The following SORCS1 variants were observed in gnomAD, a reference collection of about 807,000 sequenced individuals.
The protein encoded by SORCS1 is sortilin related VPS10 domain containing receptor 1.
A neutral mutation model predicts 146.1 loss-of-function variants in SORCS1; 60 were observed. The observed-to-expected ratio is 0.41, with a 90% CI of 0.33 to 0.51. SORCS1 has a LOEUF of 0.51. Among genes scored for constraint, SORCS1 ranks in the 20% least tolerant of loss-of-function variants. The pLI, the probability that SORCS1 is intolerant of heterozygous loss-of-function variation, is 0.21. For synonymous variants in SORCS1, 637 were observed against 584.0 expected (o/e 1.09, Z -1.31); for missense variants, 1,352 against 1,487.6 (o/e 0.91, Z 1.50).
chr10:106,660,638 T>C (rs1850652838), intron 17 of SORCS1, among the ~76,000 whole-genome samples: 1 of 152,136 alleles, frequency 6.6e-6, no homozygotes. Flanking sequence ...AAAATGTCTT[T>C]ATTGTATAAA....
intron 1 of SORCS1, among the ~76,000 whole-genome samples, chr10:107,093,599 G>C (rs957200750): frequency 6.6e-6 from 1 of 151,828 alleles, no homozygotes; most frequent in Non-Finnish European, 1.5e-5. Flanking sequence ...CTTGAACCCG[G>C]GACAAGGAGG....
chr10:106,843,156 G>C (rs1949126901), intron 2 of SORCS1, among the ~76,000 whole-genome samples: 2 of 152,080 alleles, frequency 1.3e-5, no homozygotes, highest in Non-Finnish European at 2.9e-5. Flanking sequence ...AATATGCTTT[G>C]CATTAACTAG....
intron 1 of SORCS1, among the ~76,000 whole-genome samples, chr10:107,162,970 T>C (rs1382713495): frequency 6.6e-6 from 1 of 152,250 alleles, no homozygotes; most frequent in East Asian, 1.9e-4. Flanking sequence ...TAAAATCACT[T>C]TTAGTTATTA....
At chr10:106,722,405 G>A (rs1489201307) in intron 6 of SORCS1, among the ~76,000 whole-genome samples, 1 of 152,280 alleles carries the variant, frequency 6.6e-6, no homozygotes, top group East Asian at 1.9e-4. Context: ...ATAGGAAGTA[G>A]AAAATGAGAT....
At chr10:106,881,283 C>T (rs1177283497) in intron 2 of SORCS1, among the ~76,000 whole-genome samples, 2 of 152,140 alleles carry the variant, frequency 1.3e-5, no homozygotes, top group East Asian at 1.9e-4. Context: ...TAGTGTCTTC[C>T]TCTGCAAAAT....
At chr10:106,637,224 C>T (rs964612041) in intron 18 of SORCS1, among the ~76,000 whole-genome samples, 1 of 152,158 alleles carries the variant, frequency 6.6e-6, no homozygotes, top group Non-Finnish European at 1.5e-5. Flanking sequence ...CTGCACATGC[C>T]CTATCTTCTG....
chr10:106,669,647 C>G (rs1324415312), intron 16 of SORCS1, among the ~76,000 whole-genome samples: 1 of 152,210 alleles, frequency 6.6e-6, no homozygotes, highest in Non-Finnish European at 1.5e-5. Flanking sequence ...TAATATTGCA[C>G]TGACTAAAAC....
intron 25 of SORCS1, chr10:106,579,036 G>C: frequency 6.3e-7 from 1 of 1,599,654 alleles, no homozygotes; most frequent in Non-Finnish European, 8.5e-7. Context: ...GTTAGAGAGA[G>C]AGTCAGCCAT....
In SORCS1 at chr10:106,577,531, G is replaced by T; in HGVS notation, c.3396C>A (p.Pro1132=). 6.2e-7 allele frequency: 1 copy of T among 1,609,522 alleles called. No individual in the cohort carries two copies. The highest frequency in any genetic ancestry group is 1.1e-5 in the South Asian group (1 of 91,006). Residue 1132 remains proline (P), a synonymous_variant, in exon 26 of 26, where the codon CCC becomes CCA. Coordinates refer to ENST00000263054, the MANE Select transcript of SORCS1 (RefSeq NM_052918.5). ...AGTCACCAGGTTGAGTAGAAGGGGA[G>T]GGAGGGGAGGGTAAAGCTACTCTCC... ...FKRRVALPSP[P]SPSTQPGDSS...
chr10:106,654,656 A>C (rs1402482607), intron 17 of SORCS1, among the ~76,000 whole-genome samples: 2 of 152,040 alleles, frequency 1.3e-5, no homozygotes, highest in Non-Finnish European at 2.9e-5. Context: ...CACATCCCCA[A>C]ACCCTCCAAG....
At chr10:106,850,328 G>A (rs949068801) in intron 2 of SORCS1, among the ~76,000 whole-genome samples, 3 of 152,086 alleles carry the variant, frequency 2.0e-5, no homozygotes, top group East Asian at 1.9e-4. Context: ...CGCAATATTC[G>A]GGTGGGAGTG....
At chr10:106,715,766 C>CT (rs1020624854) in intron 6 of SORCS1, among the ~76,000 whole-genome samples, 3 of 151,868 alleles carry the variant, frequency 2.0e-5, no homozygotes, top group Non-Finnish European at 4.4e-5. Flanking sequence ...CTTTCTTTTT[C>CT]TTTTTTTTGA....
At chr10:106,819,616 G>A (rs867683656) in intron 3 of SORCS1, among the ~76,000 whole-genome samples, 3 of 152,144 alleles carry the variant, frequency 2.0e-5, no homozygotes, top group South Asian at 2.1e-4. Flanking sequence ...GGGCAGCAGC[G>A]ATGATATTTG....
At chr10:106,632,838 A>C (rs530331067) in intron 18 of SORCS1, among the ~76,000 whole-genome samples, 2 of 152,320 alleles carry the variant, frequency 1.3e-5, no homozygotes, top group Non-Finnish European at 2.9e-5. Flanking sequence ...ACTTCAAAGA[A>C]GGCTTCCAAA....
At chr10:106,826,768 G>T (rs2136980458) in intron 3 of SORCS1, among the ~76,000 whole-genome samples, 1 of 152,262 alleles carries the variant, frequency 6.6e-6, no homozygotes, top group South Asian at 2.1e-4. Flanking sequence ...TAGAGGAAAA[G>T]ATCCCTTCCT....
At chr10:107,132,849 T>C (rs539987797) in intron 1 of SORCS1, among the ~76,000 whole-genome samples, 17 of 150,984 alleles carry the variant, frequency 1.1e-4, no homozygotes, top group African/African-American at 3.7e-4. Context: ...TTCTCATATA[T>C]TTCAAAAATA....
At chr10:107,019,451 T>G (rs1214550611) in intron 1 of SORCS1, among the ~76,000 whole-genome samples, 1 of 151,990 alleles carries the variant, frequency 6.6e-6, no homozygotes, top group East Asian at 1.9e-4. Context: ...CCACAGAAAA[T>G]GTTATTGCTA....
chr10:106,630,855 A>AG (rs1848399943), intron 18 of SORCS1, among the ~76,000 whole-genome samples: 1 of 152,140 alleles, frequency 6.6e-6, no homozygotes, highest in Non-Finnish European at 1.5e-5. Context: ...CTGTAAAAAA[A>AG]AAAAAGAAAT....
intron 9 of SORCS1, among the ~76,000 whole-genome samples, chr10:106,689,079 CA>C (rs766565041): frequency 5.9e-5 from 9 of 152,168 alleles, no homozygotes; most frequent in Non-Finnish European, 8.8e-5. Flanking sequence ...CCTAAATCAT[CA>C]AATACTCCCT....
Sources: gnomAD v4.1 joint callset for allele counts (sites outside exome capture counted in the v4.1 genomes callset) on GRCh38, gnomAD v4.1.1 for gene constraint, MANE v1.5 for transcripts, NCBI Gene and HGNC (gene_info 2026-07-23, HGNC 2026-07-21) for gene names.